SOS1: variants seen among roughly 807,000 people sequenced by gnomAD.
SOS1 encodes son of sevenless homolog 1.
SOS1 carries 25 observed loss-of-function variants against 157.6 expected under a neutral mutation model. That is an observed-to-expected ratio of 0.16 (90% confidence interval 0.12 to 0.22). The LOEUF (loss-of-function observed/expected upper bound fraction) is 0.22, where lower values mean the gene tolerates loss of function less well. SOS1 is among the 10% of genes least tolerant of loss of function. SOS1 has a pLI of 1.00. For missense variants in SOS1, 1,237 were observed against 1,599.1 expected, an observed-to-expected ratio of 0.77 and a Z score of 3.86; for synonymous variants, 528 against 534.0, an observed-to-expected ratio of 0.99 and a Z score of 0.16.
At chr2:39,037,047 G>T (rs904811534) in intron 6 of SOS1, among the ~76,000 whole-genome samples, 1 of 152,202 alleles carries the variant, frequency 6.6e-6, no homozygotes, top group African/African-American at 2.4e-5. Context: ...TCTGGTTGTT[G>T]CATTTTGCAA....
At chr2:39,052,054 A>T (rs944363269) in intron 5 of SOS1, among the ~76,000 whole-genome samples, 1 of 152,194 alleles carries the variant, frequency 6.6e-6, no homozygotes, top group Non-Finnish European at 1.5e-5. Flanking sequence ...AATACCCAGT[A>T]AAGTCACTCT....
At chr2:39,062,685 T>C (rs576504127) in intron 2 of SOS1, among the ~76,000 whole-genome samples, 21 of 148,912 alleles carry the variant, frequency 1.4e-4, no homozygotes, top group East Asian at 1.4e-3. Flanking sequence ...TAGGTACATA[T>C]AGACCAGAAA....
At chr2:39,021,177 T>C (rs1023836757) in intron 10 of SOS1, among the ~76,000 whole-genome samples, 3 of 151,628 alleles carry the variant, frequency 2.0e-5, no homozygotes, top group Non-Finnish European at 4.4e-5. Context: ...AAAAGTACCA[T>C]GTCCACGGAC....
At chr2:39,102,204 CA>C (rs58865034) in intron 1 of SOS1, among the ~76,000 whole-genome samples, 16 of 23,748 alleles carry the variant, frequency 6.7e-4, no homozygotes, top group East Asian at 5.9e-3. Context: ...GACTCTGTCT[CA>C]AAAAAAAAAA....
At chr2:38,996,755 CA>C (rs1668908574) in intron 19 of SOS1, among the ~76,000 whole-genome samples, 166 bp downstream of exon 19, 1 of 152,110 alleles carries the variant, frequency 6.6e-6, no homozygotes, top group African/African-American at 2.4e-5. Context: ...TTAATACTAA[CA>C]TTCATTTATT....
chr2:39,014,031 T>C (rs1572822935), intron 11 of SOS1, 42 bp from the exon 12 acceptor site: 1 of 1,478,778 alleles, frequency 6.8e-7, no homozygotes, highest in East Asian at 2.3e-5. Flanking sequence ...ACTAATTATA[T>C]CGAGTTATAC....
At chr2:39,062,233 T>TACA (rs1671429727) in intron 2 of SOS1, among the ~76,000 whole-genome samples, 1 of 151,362 alleles carries the variant, frequency 6.6e-6, no homozygotes, top group African/African-American at 2.4e-5. Context: ...GCCTGGCCAA[T>TACA]ACAGTAAAAC....
chr2:39,097,654 CT>C, intron 1 of SOS1, among the ~76,000 whole-genome samples: 1 of 152,066 alleles, frequency 6.6e-6, no homozygotes, highest in East Asian at 1.9e-4. Context: ...GCCTCCCAGG[CT>C]TGGGCTCAAG....
rs567751749 is a variant in SOS1, at chr2:39,029,902, T to C, written c.1074+5310A>G. Among the ~76,000 whole-genome samples, 89 of 152,190 alleles carry C rather than the reference T, an allele frequency of 5.8e-4. 1 individual carries two copies. The highest frequency in any genetic ancestry group is 2.0e-3 in the African/African-American group (82 of 41,536). ...TGATTCTCCACCAGACTCGGTGGCT[T>C]ACGCCTATAATCCCTGTACTTTGGG... On this transcript the variant is annotated intron_variant, in intron 8 of 22. Transcript: ENST00000402219.
chr2:39,082,298 G>A (rs1672230735), intron 1 of SOS1, among the ~76,000 whole-genome samples: 1 of 152,020 alleles, frequency 6.6e-6, no homozygotes, highest in Admixed American at 6.6e-5. Context: ...TTTTTAGATG[G>A]GTTCACATAT....
rs538718025 is a variant in SOS1 at position 39,054,961 on chromosome 2, T to C, written c.511-138A>G. On this transcript the variant is annotated intron_variant, in intron 4 of 22. Transcript: ENST00000402219. The stretch of plus-strand genomic sequence containing the variant: ...AAACAAATTTCTCTTCTTGGATATA[T>C]TGCCAGCATCCCTCCACAGCTTCTC... The C allele has an allele frequency of 2.5e-4, 159 of 624,760 alleles. 1 individual carries two copies. In the South Asian group the frequency reaches 2.9e-3, roughly 11 times the overall value. The allele number at this position is 624,760 out of a possible 1,614,324, so 38.7% of individuals were successfully genotyped here. A position where few individuals can be genotyped will look rare whatever the true frequency, so the allele number is the denominator to read the frequency against.
intron 1 of SOS1, among the ~76,000 whole-genome samples, chr2:39,117,089 T>C (rs919495467): frequency 6.6e-6 from 1 of 150,838 alleles, no homozygotes; most frequent in Non-Finnish European, 1.5e-5. Context: ...AGTGCAGTGG[T>C]GCAATCTCGC....
intron 2 of SOS1, among the ~76,000 whole-genome samples, chr2:39,066,705 G>A (rs928888644): frequency 1.3e-5 from 2 of 152,096 alleles, no homozygotes; most frequent in African/African-American, 4.8e-5. Context: ...ATCTTTCTAA[G>A]AGATTACACA....
At chr2:39,022,127 G>A (rs1669817119) in intron 10 of SOS1, among the ~76,000 whole-genome samples, 1 of 151,606 alleles carries the variant, frequency 6.6e-6, no homozygotes, top group Non-Finnish European at 1.5e-5. Flanking sequence ...TCAGGTTTAG[G>A]AGTGGAAACT....
chr2:39,074,358 G>A (rs115782983), intron 1 of SOS1, among the ~76,000 whole-genome samples: 1,193 of 135,388 alleles, frequency 8.8e-3, no homozygotes, highest in Middle Eastern at 0.015. Flanking sequence ...TCAGAAAAAA[G>A]AAAAAAAAAA....
intron 1 of SOS1, among the ~76,000 whole-genome samples, chr2:39,069,925 T>C (rs1016478574): frequency 1.3e-5 from 2 of 152,208 alleles, no homozygotes; most frequent in African/African-American, 4.8e-5. Flanking sequence ...CAAGAACTTT[T>C]GATCATATTG....
At chr2:39,098,217 C>G (rs1199849787) in intron 1 of SOS1, 1 of 226,410 alleles carries the variant, frequency 4.4e-6, no homozygotes, top group African/African-American at 2.3e-5. Flanking sequence ...TCTAGAACTA[C>G]TTTGGTGCCT....
chr2:39,033,597 G>A (rs1173395040), intron 8 of SOS1, among the ~76,000 whole-genome samples: 2 of 152,106 alleles, frequency 1.3e-5, no homozygotes, highest in South Asian at 2.1e-4. Flanking sequence ...GTACAGAGGC[G>A]TGGTCATGGC....
intron 1 of SOS1, among the ~76,000 whole-genome samples, chr2:39,105,461 G>A (rs971383325): frequency 6.6e-6 from 1 of 151,672 alleles, no homozygotes; most frequent in Non-Finnish European, 1.5e-5. Flanking sequence ...ATTTACAGTT[G>A]GGCTGCTTAA....
Sources: allele counts gnomAD v4.1 joint callset (sites outside exome capture counted in the v4.1 genomes callset), GRCh38; gene constraint gnomAD v4.1.1; transcripts MANE v1.5; gene names NCBI Gene and HGNC (gene_info 2026-07-23, HGNC 2026-07-21).